Variants in FHIT observed in about 807,000 individuals in gnomAD.
FHIT encodes the protein bis(5'-adenosyl)-triphosphatase.
FHIT carries 19 observed loss-of-function variants against 17.9 expected under a neutral mutation model. The observed-to-expected ratio is 1.06, with a 90% CI of 0.74 to 1.56. The LOEUF (loss-of-function observed/expected upper bound fraction) is 1.56. FHIT is among the 40% of genes most tolerant of loss of function. FHIT has a pLI of 0.00. For missense variants in FHIT, 248 were observed against 189.2 expected, an observed-to-expected ratio of 1.31 and a Z score of -1.82; for synonymous variants, 81 against 69.7, an observed-to-expected ratio of 1.16 and a Z score of -0.81.
chr3:60,140,785 T>C (rs138818151), intron 5 of FHIT, among the ~76,000 whole-genome samples: 1,700 of 152,026 alleles, frequency 0.011, 25 homozygotes, highest in African/African-American at 0.038. Context: ...TCCATGTTGA[T>C]CAGGCTGGTT....
intron 4 of FHIT, among the ~76,000 whole-genome samples, chr3:60,807,645 T>A (rs1701443996): frequency 6.6e-6 from 1 of 152,116 alleles, no homozygotes; most frequent in African/African-American, 2.4e-5. Flanking sequence ...ATATTGTTCC[T>A]AATAGCATGC....
intron 3 of FHIT, among the ~76,000 whole-genome samples, chr3:60,977,493 G>C (rs1207580724): frequency 6.6e-6 from 1 of 152,190 alleles, no homozygotes; most frequent in Non-Finnish European, 1.5e-5. Context: ...ACAAGCAAAT[G>C]TGCTCAGTTT....
intron 2 of FHIT, among the ~76,000 whole-genome samples, chr3:61,134,871 A>T (rs149177603): frequency 3.9e-4 from 60 of 152,278 alleles, no homozygotes; most frequent in African/African-American, 1.3e-3. Context: ...GCACTTATTC[A>T]CATGTTCAAA....
At chr3:60,443,041 A>C (rs1283742885) in intron 5 of FHIT, among the ~76,000 whole-genome samples, 1 of 152,120 alleles carries the variant, frequency 6.6e-6, no homozygotes, top group Non-Finnish European at 1.5e-5. Context: ...AGCAATTGTG[A>C]ATGGGAGTTC....
intron 7 of FHIT, among the ~76,000 whole-genome samples, chr3:60,003,839 T>C (rs1043674648): frequency 6.7e-5 from 10 of 148,334 alleles, no homozygotes; most frequent in African/African-American, 1.2e-4. Context: ...ACATGATTAA[T>C]TGGGCTGCAT....
intron 7 of FHIT, among the ~76,000 whole-genome samples, chr3:59,950,886 A>G (rs959479162): frequency 2.6e-5 from 4 of 152,230 alleles, no homozygotes; most frequent in African/African-American, 9.6e-5. Context: ...ATTTGACAAG[A>G]GTCACTAGTG....
chr3:59,778,614 C>T (rs376382097), intron 8 of FHIT, among the ~76,000 whole-genome samples: 7 of 152,176 alleles, frequency 4.6e-5, no homozygotes, highest in South Asian at 2.1e-4. Flanking sequence ...GGCTGTGTTC[C>T]GATAAAACTT....
intron 7 of FHIT, among the ~76,000 whole-genome samples, chr3:59,946,149 T>G (rs1321507832): frequency 6.6e-6 from 1 of 152,236 alleles, no homozygotes; most frequent in African/African-American, 2.4e-5. Context: ...TGATTCTTCC[T>G]ATCCACGAGC....
At chr3:59,979,582 T>A (rs1575807584) in intron 7 of FHIT, among the ~76,000 whole-genome samples, 1 of 152,168 alleles carries the variant, frequency 6.6e-6, no homozygotes, top group African/African-American at 2.4e-5. Flanking sequence ...AATAGAAACA[T>A]CTCAGGCAGG....
chr3:60,224,008 T>C (rs1392656508), intron 5 of FHIT, among the ~76,000 whole-genome samples: 2 of 152,184 alleles, frequency 1.3e-5, no homozygotes, highest in Non-Finnish European at 2.9e-5. Context: ...AACAAACTTG[T>C]ATGTTTCCTC....
intron 4 of FHIT, among the ~76,000 whole-genome samples, chr3:60,673,109 C>A (rs1275175806): frequency 2.0e-5 from 3 of 151,640 alleles, no homozygotes; most frequent in Non-Finnish European, 2.9e-5. Context: ...AGTAAGTTAC[C>A]CCGTAAGAGC....
intron 5 of FHIT, among the ~76,000 whole-genome samples, chr3:60,033,207 T>C (rs1290394078): frequency 3.9e-5 from 6 of 152,220 alleles, no homozygotes; most frequent in South Asian, 2.1e-4. Context: ...TTGTGAAATA[T>C]GATAATGGGG....
chr3:60,994,231 T>TG (rs1457553193), intron 3 of FHIT, among the ~76,000 whole-genome samples: 3 of 152,212 alleles, frequency 2.0e-5, no homozygotes, highest in African/African-American at 7.2e-5. Flanking sequence ...TGGATGACAA[T>TG]GATCTAGATA....
chr3:61,089,793 A>G (rs747461759), intron 2 of FHIT, among the ~76,000 whole-genome samples: 1 of 152,212 alleles, frequency 6.6e-6, no homozygotes, highest in Non-Finnish European at 1.5e-5. Context: ...AAACTATAAG[A>G]AGAGAGATTT....
chr3:60,013,847 G>T (rs1161513986), intron 6 of FHIT, among the ~76,000 whole-genome samples, 160 bp downstream of exon 6: 1 of 152,086 alleles, frequency 6.6e-6, no homozygotes, highest in Non-Finnish European at 1.5e-5. Flanking sequence ...TGGGGCCAAT[G>T]GACAGTAGGG....
At chr3:60,027,721 T>TAAAA (rs11433582) in intron 5 of FHIT, among the ~76,000 whole-genome samples, 12 of 144,664 alleles carry the variant, frequency 8.3e-5, no homozygotes, top group East Asian at 4.0e-4. Flanking sequence ...ATTTAGTTTA[T>TAAAA]AAAAAAAAAA....
chr3:61,090,341 T>A (rs1272037346), intron 2 of FHIT, among the ~76,000 whole-genome samples: 1 of 152,228 alleles, frequency 6.6e-6, no homozygotes, highest in Non-Finnish European at 1.5e-5. Flanking sequence ...TGAAAGTTGC[T>A]TTTGTTGTTC....
At chr3:59,766,277 G>T (rs993584246) in intron 8 of FHIT, among the ~76,000 whole-genome samples, 1 of 152,230 alleles carries the variant, frequency 6.6e-6, no homozygotes, top group South Asian at 2.1e-4. Flanking sequence ...TGAGAGGCAT[G>T]TAAGATTACA....
chr3:60,937,846 G>T (rs1266294621), intron 3 of FHIT, among the ~76,000 whole-genome samples: 1 of 152,204 alleles, frequency 6.6e-6, no homozygotes, highest in East Asian at 1.9e-4. Context: ...ACAGGGGTGA[G>T]CCACCACGCC....
Sources: allele counts gnomAD v4.1 joint callset (sites outside exome capture counted in the v4.1 genomes callset), GRCh38; gene constraint gnomAD v4.1.1; transcripts MANE v1.5; gene names NCBI Gene and HGNC (gene_info 2026-07-23, HGNC 2026-07-21).